MED27: variants seen among roughly 807,000 people sequenced by gnomAD.
The protein encoded by MED27 is mediator complex subunit 27.
In MED27, 30 loss-of-function variants were observed where a neutral mutation model predicts 38.2. The ratio of observed to expected loss-of-function variants is 0.79; its 90% confidence interval spans 0.59 to 1.07. The LOEUF is 1.07. Among genes scored for constraint, MED27 ranks in the 50% least tolerant of loss-of-function variants. The pLI is 0.00. For missense variants in MED27, 289 were observed against 397.5 expected, an observed-to-expected ratio of 0.73 and a Z score of 2.32; for synonymous variants, 122 against 153.5, an observed-to-expected ratio of 0.79 and a Z score of 1.52.
rs1170068189 is a variant in MED27, at chr9:131,872,264, G to A, written c.724-9124C>T. On this transcript the variant is annotated intron_variant, in intron 6 of 7. Coordinates refer to ENST00000292035, the MANE Select transcript of MED27 (RefSeq NM_004269.4). The surrounding 1 kb of genome is among the most constrained non-coding windows in gnomAD (Gnocchi z 5.6). ...CAGGACTGTGGCCGAGCAGCGCCTG[G>A]GGGAGCTGAGCTTGAACAGAGACGC... 6.6e-6 allele frequency among the ~76,000 whole-genome samples: 1 copy of A among 152,122 alleles called. No individual in the cohort carries two copies. The highest frequency in any genetic ancestry group is 1.5e-5 in the Non-Finnish European group (1 of 68,016).
At chr9:131,957,502 C>G (rs564334595) in intron 3 of MED27, among the ~76,000 whole-genome samples, 2 of 152,100 alleles carry the variant, frequency 1.3e-5, no homozygotes, top group African/African-American at 4.8e-5. Flanking sequence ...GCGAGCCTCC[C>G]CCTTTGGCCT....
At chr9:131,962,812 T>C (rs1023510006) in intron 3 of MED27, among the ~76,000 whole-genome samples, 16 of 152,212 alleles carry the variant, frequency 1.1e-4, no homozygotes, top group African/African-American at 3.4e-4. Context: ...AATAAAACAG[T>C]AATCCTGTTA....
chr9:131,921,982 T>C (rs1471493484), intron 4 of MED27, among the ~76,000 whole-genome samples: 1 of 129,360 alleles, frequency 7.7e-6, no homozygotes, highest in Admixed American at 9.7e-5. Flanking sequence ...ATGAGAACAC[T>C]TGGACACAGG....
chr9:132,049,958 T>C (rs867850089), intron 2 of MED27, among the ~76,000 whole-genome samples: 5 of 152,112 alleles, frequency 3.3e-5, no homozygotes, highest in South Asian at 4.1e-4. Flanking sequence ...ATTTTTTTTT[T>C]CCTCAAACCT....
intron 2 of MED27, chr9:132,073,248 C>T: frequency 2.3e-6 from 2 of 877,494 alleles, no homozygotes; most frequent in Non-Finnish European, 2.7e-6. Flanking sequence ...CCACAACTGG[C>T]TTTCTCAGTA....
At chr9:132,018,664 AG>A (rs1319927568) in intron 2 of MED27, among the ~76,000 whole-genome samples, 1 of 152,210 alleles carries the variant, frequency 6.6e-6, no homozygotes, top group Non-Finnish European at 1.5e-5. Context: ...TGTATGCTGG[AG>A]CCTCCCTGGG....
At chr9:131,891,170 T>C (rs1839222758) in intron 5 of MED27, among the ~76,000 whole-genome samples, 1 of 152,100 alleles carries the variant, frequency 6.6e-6, no homozygotes, top group African/African-American at 2.4e-5. Flanking sequence ...GAGTAAAACT[T>C]TGTCAGCTGG....
chr9:131,994,743 TA>T (rs1292711637), intron 3 of MED27, among the ~76,000 whole-genome samples: 1 of 152,180 alleles, frequency 6.6e-6, no homozygotes, highest in African/African-American at 2.4e-5. Context: ...AATATACACT[TA>T]GAGTTCTGAC....
At chr9:131,951,631 T>C (rs1404416946) in intron 3 of MED27, among the ~76,000 whole-genome samples, 6 of 152,224 alleles carry the variant, frequency 3.9e-5, no homozygotes, top group Non-Finnish European at 8.8e-5. Context: ...AGCATCACTA[T>C]CCTCTTCACA....
At chr9:131,938,624 G>C (rs1207779044) in intron 4 of MED27, among the ~76,000 whole-genome samples, 2 of 152,146 alleles carry the variant, frequency 1.3e-5, no homozygotes, top group African/African-American at 4.8e-5. Flanking sequence ...ACCATAATCA[G>C]AAACAGCAAA....
intron 4 of MED27, among the ~76,000 whole-genome samples, chr9:131,934,435 GA>G (rs201592040): frequency 2.0e-5 from 3 of 148,316 alleles, no homozygotes; most frequent in East Asian, 2.0e-4. Context: ...AACTCTACAG[GA>G]AAAAAAAAAT....
intron 3 of MED27, among the ~76,000 whole-genome samples, chr9:131,960,647 A>G (rs1282970959): frequency 3.3e-5 from 5 of 152,234 alleles, no homozygotes. Flanking sequence ...CCATTTTGGT[A>G]AAAACACGTG....
At chr9:131,890,764 T>C (rs1212745186) in intron 5 of MED27, among the ~76,000 whole-genome samples, 1 of 152,188 alleles carries the variant, frequency 6.6e-6, no homozygotes, top group Non-Finnish European at 1.5e-5. Context: ...CCTGTGTGGC[T>C]GTGGGCAACG....
At chr9:132,041,402 G>A (rs1833207277) in intron 2 of MED27, among the ~76,000 whole-genome samples, 1 of 152,212 alleles carries the variant, frequency 6.6e-6, no homozygotes, top group Non-Finnish European at 1.5e-5. Flanking sequence ...GAAACATTCT[G>A]TAGACACCAA....
chr9:131,877,450 C>T (rs2131471614), intron 6 of MED27, among the ~76,000 whole-genome samples: 1 of 152,214 alleles, frequency 6.6e-6, no homozygotes, highest in East Asian at 1.9e-4. Flanking sequence ...GCAGTGCACA[C>T]CTATAGTCTC....
Position 132,003,536 on chromosome 9 carries a change from C to T in MED27, c.479+10801G>A, listed in dbSNP as rs192695492. Among the ~76,000 whole-genome samples the T allele has an allele frequency of 3.3e-5, 5 of 152,220 alleles. No homozygotes were observed. The East Asian group carries it at 5.8e-4, about 18-fold the overall frequency. ...AAGGGTTGGCTAGAGCAAGGCTAGA[C>T]GGGGAGGCAGGGATAGGTGGGATGG... On this transcript the variant is annotated intron_variant, in intron 3 of 7. Coordinates refer to ENST00000292035, the MANE Select transcript of MED27 (RefSeq NM_004269.4). This position sits in a 1 kb window ranked among gnomAD's most constrained non-coding sequence, Gnocchi z 4.2.
chr9:131,908,668 C>T (rs1410136056), intron 4 of MED27, among the ~76,000 whole-genome samples: 1 of 152,122 alleles, frequency 6.6e-6, no homozygotes, highest in East Asian at 1.9e-4. Flanking sequence ...TAAACCGATG[C>T]TTGAAGGCAG....
chr9:131,977,235 A>T (rs887330935), intron 3 of MED27, among the ~76,000 whole-genome samples: 6 of 152,220 alleles, frequency 3.9e-5, no homozygotes, highest in African/African-American at 1.4e-4. Flanking sequence ...ATCATAGAGC[A>T]GCCAGGTGGC....
rs142571589 is a variant in MED27 at position 132,010,812 on chromosome 9, C to T, written c.479+3525G>A. 5.3e-4 allele frequency among the ~76,000 whole-genome samples: 80 copies of T among 152,092 alleles called. 2 individuals carry two copies. The East Asian group carries it at 0.014, about 27-fold the overall frequency. On this transcript the variant is annotated intron_variant, in intron 3 of 7. Transcript: ENST00000292035. ...AAACCAAACACCACATGTTGTCACT[C>T]GTAAGTGGGAATTGAACAATGAGAA...
Sources: allele counts gnomAD v4.1 joint callset (sites outside exome capture counted in the v4.1 genomes callset), GRCh38; gene constraint gnomAD v4.1.1; non-coding constraint Gnocchi (gnomAD v3.1); transcripts MANE v1.5; gene names NCBI Gene and HGNC (gene_info 2026-07-23, HGNC 2026-07-21).